The following PTPRK variants were observed in gnomAD, a reference collection of about 807,000 sequenced individuals.
The protein encoded by PTPRK is receptor-type tyrosine-protein phosphatase kappa.
In PTPRK, 75 loss-of-function variants were observed where a neutral mutation model predicts 178.0. The ratio of observed to expected loss-of-function variants is 0.42; its 90% CI spans 0.35 to 0.51. The LOEUF (loss-of-function observed/expected upper bound fraction) is 0.51, where lower values mean the gene tolerates loss of function less well. PTPRK is among the 20% of genes least tolerant of loss of function. The probability of loss-of-function intolerance (pLI) is 0.02; values close to 1 mark genes in which losing one functional copy is unlikely to be tolerated. For missense variants in PTPRK, 1,441 were observed against 1,797.8 expected (o/e 0.80, Z 3.59); for synonymous variants, 637 against 620.6 (o/e 1.03, Z -0.39).
chr6:128,242,596 A>T lies in PTPRK; in HGVS notation c.502T>A (p.Phe168Ile). The T allele has an allele frequency of 6.2e-7, 1 of 1,612,228 alleles. No individual in the cohort carries two copies. The highest frequency in any genetic ancestry group is 8.5e-7 in the Non-Finnish European group (1 of 1,179,388). ...CTCCCTCCTGAGACTTCAGCTTCAA[A>T]TATTACCTGTCAAAAAGAAACAGAA... The part of the protein sequence containing the change: ...TFWPNEYQVI[F>I]EAEVSGGRSG... Residue 168 changes from phenylalanine (F) to isoleucine (I), a missense_variant, in exon 4 of 30, where the codon TTT becomes ATT. Phe to Ile is a conservative substitution (Grantham distance 21, BLOSUM62 0). Coordinates refer to ENST00000368226, the MANE Select transcript of PTPRK (RefSeq NM_002844.4).
At chr6:128,284,169 A>C (rs1317545888) in intron 3 of PTPRK, among the ~76,000 whole-genome samples, 1 of 152,192 alleles carries the variant, frequency 6.6e-6, no homozygotes, top group African/African-American at 2.4e-5. Flanking sequence ...GACTTCTGTA[A>C]TTCACAGAAA....
At chr6:127,971,512 G>A (rs1272786980) in intron 29 of PTPRK, among the ~76,000 whole-genome samples, 1 of 152,136 alleles carries the variant, frequency 6.6e-6, no homozygotes, top group Non-Finnish European at 1.5e-5. Flanking sequence ...AAATAGTTAT[G>A]TCTCTTTAAG....
chr6:128,292,367 T>C (rs1823525516), intron 3 of PTPRK, among the ~76,000 whole-genome samples: 1 of 152,062 alleles, frequency 6.6e-6, no homozygotes, highest in African/African-American at 2.4e-5. Flanking sequence ...TAAAAAGACT[T>C]TGAAGAATAC....
chr6:128,161,026 C>A (rs1798630643), intron 7 of PTPRK, among the ~76,000 whole-genome samples: 1 of 151,454 alleles, frequency 6.6e-6, no homozygotes, highest in Non-Finnish European at 1.5e-5. Flanking sequence ...GGGGCTAGAC[C>A]AGATGGTCTT....
At chr6:128,265,895 T>C (rs1364002548) in intron 3 of PTPRK, among the ~76,000 whole-genome samples, 2 of 152,102 alleles carry the variant, frequency 1.3e-5, no homozygotes, top group African/African-American at 4.8e-5. Flanking sequence ...GATCAGGTCA[T>C]GCGGACTCCA....
chr6:128,248,549 T>C (rs937094802), intron 3 of PTPRK, among the ~76,000 whole-genome samples: 3 of 151,670 alleles, frequency 2.0e-5, no homozygotes, highest in Admixed American at 1.3e-4. Context: ...AATAAAAGAG[T>C]ATCTAAAGGA....
chr6:128,353,997 A>G (rs1006444095), intron 2 of PTPRK, among the ~76,000 whole-genome samples: 3 of 152,086 alleles, frequency 2.0e-5, no homozygotes, highest in Non-Finnish European at 4.4e-5. Context: ...GGGACACAAA[A>G]ACTCCCTGTA....
At chr6:128,170,681 T>C (rs997911857) in intron 7 of PTPRK, among the ~76,000 whole-genome samples, 9 of 152,010 alleles carry the variant, frequency 5.9e-5, no homozygotes, top group African/African-American at 1.9e-4. Flanking sequence ...TAGATGCACA[T>C]GTTGTCACTA....
chr6:128,302,391 CAAAAAAA>C (rs534525238), intron 3 of PTPRK, among the ~76,000 whole-genome samples: 403 of 30,912 alleles, frequency 0.013, 2 homozygotes, highest in African/African-American at 0.023. Flanking sequence ...GACTCAATTC[CAAAAAAA>C]AAAAAAAAAA....
At chr6:128,394,685 T>C (rs763355999) in intron 2 of PTPRK, among the ~76,000 whole-genome samples, 8 of 152,206 alleles carry the variant, frequency 5.3e-5, no homozygotes, top group Non-Finnish European at 1.0e-4. Flanking sequence ...CATTGTAATC[T>C]GACCAAACTA....
chr6:128,008,028 AAACACTAT>A, intron 14 of PTPRK: 2 of 1,328,320 alleles, frequency 1.5e-6, no homozygotes, highest in Non-Finnish European at 2.0e-6. Flanking sequence ...ATTTAACACA[AAACACTAT>A]AATGCATACC....
chr6:128,306,292 A>G (rs1029647390), intron 3 of PTPRK, among the ~76,000 whole-genome samples: 1 of 152,354 alleles, frequency 6.6e-6, no homozygotes, highest in African/African-American at 2.4e-5. Flanking sequence ...GAATGATAGA[A>G]TGGATTGGAT....
Position 128,435,122 on chromosome 6 carries a change from C to A in PTPRK, c.101-37434G>T, listed in dbSNP as rs7452316. 7.7e-3 allele frequency among the ~76,000 whole-genome samples: 779 copies of A among 101,270 alleles called. 8 individuals carry two copies. The highest frequency in any genetic ancestry group is 1.0e-2 in the Admixed American group (112 of 11,218). The allele number at this position is 101,270 out of a possible 152,430, so 66.4% of individuals were successfully genotyped here. A position where few individuals can be genotyped will look rare whatever the true frequency, so the allele number is the denominator to read the frequency against. On this transcript the variant is annotated intron_variant, in intron 1 of 29. Transcript: ENST00000368226. ...GAAGGAAGGAAGGCAGGAAGGCAGGCAGGAAGGCAGGCAGGCAGGCAGGCA... is the reference window on the plus strand; with the variant it reads ...GAAGGAAGGAAGGCAGGAAGGCAGGAAGGAAGGCAGGCAGGCAGGCAGGCA...
At chr6:128,170,212 G>C (rs963867017) in intron 7 of PTPRK, among the ~76,000 whole-genome samples, 3 of 151,988 alleles carry the variant, frequency 2.0e-5, no homozygotes, top group African/African-American at 7.2e-5. Context: ...GTGGGAGCCC[G>C]AGTGTTGGGG....
intron 6 of PTPRK, among the ~76,000 whole-genome samples, chr6:128,211,347 CA>C (rs1453344577): frequency 2.6e-5 from 4 of 152,012 alleles, no homozygotes; most frequent in Admixed American, 2.6e-4. Context: ...TGAGGAGTGA[CA>C]AAGTATTATT....
intron 7 of PTPRK, among the ~76,000 whole-genome samples, chr6:128,139,089 C>T (rs1055689386): frequency 2.6e-5 from 4 of 151,802 alleles, no homozygotes; most frequent in Non-Finnish European, 4.4e-5. Flanking sequence ...CAGAGGACAG[C>T]GAGGAATGAA....
Position 128,286,142 on chromosome 6 carries a change from C to T in PTPRK, c.495+35897G>A, listed in dbSNP as rs1035773320. Among the ~76,000 whole-genome samples the T allele has an allele frequency of 2.6e-5, 4 of 152,256 alleles. No homozygotes were observed. The East Asian group carries it at 7.8e-4, about 30-fold the overall frequency. On this transcript the variant is annotated intron_variant, in intron 3 of 29. Transcript: ENST00000368226. ...CCAGTGGTGATCCTGTCTTTTTTCT[C>T]TAACTGCTTTTAAAATTTTCTCCTA...
At chr6:128,280,901 A>C (rs750625138) in intron 3 of PTPRK, among the ~76,000 whole-genome samples, 1 of 152,278 alleles carries the variant, frequency 6.6e-6, no homozygotes, top group Admixed American at 6.5e-5. Flanking sequence ...CTATTTTTAT[A>C]CTTTTTGTAG....
chr6:128,208,924 C>T (rs996902251), intron 6 of PTPRK, among the ~76,000 whole-genome samples: 9 of 152,096 alleles, frequency 5.9e-5, no homozygotes, highest in Non-Finnish European at 1.3e-4. Flanking sequence ...TTCTACAAGG[C>T]TTCCAAATCT....
Sources: gnomAD v4.1 joint callset for allele counts (sites outside exome capture counted in the v4.1 genomes callset) on GRCh38, gnomAD v4.1.1 for gene constraint, MANE v1.5 for transcripts, NCBI Gene and HGNC (gene_info 2026-07-23, HGNC 2026-07-21) for gene names.